The following ANXA8 variants were observed in gnomAD, a reference collection of about 807,000 sequenced individuals.
The protein encoded by ANXA8 is VAC-beta.
A neutral mutation model predicts 26.8 loss-of-function variants in ANXA8; 9 were observed. That is an observed-to-expected ratio of 0.34 (90% confidence interval 0.20 to 0.59). The LOEUF (loss-of-function observed/expected upper bound fraction) is 0.59. Ranked by LOEUF, ANXA8 falls within the 20% of genes least tolerant of loss-of-function variation. ANXA8 has a pLI of 0.84. For missense variants in ANXA8, 83 were observed against 238.5 expected (o/e 0.35, Z 4.29); for synonymous variants, 39 against 94.8 (o/e 0.41, Z 3.42).
chr10:47,604,247 T>A, the ANXA8 span, among the ~76,000 whole-genome samples: 1 of 152,260 alleles, frequency 6.6e-6, no homozygotes, highest in Non-Finnish European at 1.5e-5. Flanking sequence ...GAAAGAAAAC[T>A]TGCTACTGTA....
At chr10:47,663,605 A>G in the ANXA8 span, among the ~76,000 whole-genome samples, 2 of 130,100 alleles carry the variant, frequency 1.5e-5, no homozygotes, top group Admixed American at 7.5e-5. Flanking sequence ...GCTGGTCTCT[A>G]ACTCCTGGGT....
chr10:47,980,442 G>A, the ANXA8 span, among the ~76,000 whole-genome samples: 1 of 151,364 alleles, frequency 6.6e-6, no homozygotes. Context: ...AAATAAAACG[G>A]AATAGAAAAA....
At chr10:47,724,363 G>C in the ANXA8 span, among the ~76,000 whole-genome samples, 1 of 140,542 alleles carries the variant, frequency 7.1e-6, no homozygotes, top group East Asian at 2.8e-4. Context: ...ATTACCCTTT[G>C]CTTCACCCAT....
chr10:47,488,958 G>A (rs1327491845), upstream of ANXA8, among the ~76,000 whole-genome samples: 23 of 147,352 alleles, frequency 1.6e-4, 1 homozygote, highest in South Asian at 4.3e-4. Context: ...CTCATGATCC[G>A]CCCACCTCAG....
At chr10:47,639,022 A>G in the ANXA8 span, among the ~76,000 whole-genome samples, 2 of 150,556 alleles carry the variant, frequency 1.3e-5, no homozygotes, top group African/African-American at 5.0e-5. Flanking sequence ...ATTTCCAAAT[A>G]TAGAAATAAT....
the ANXA8 span, among the ~76,000 whole-genome samples, chr10:47,955,093 T>C: frequency 1.4e-4 from 21 of 147,364 alleles, no homozygotes; most frequent in Non-Finnish European, 9.0e-5. Flanking sequence ...ATCTTTACTG[T>C]GCTGTTCTCA....
chr10:47,636,820 A>G, the ANXA8 span, among the ~76,000 whole-genome samples: 3 of 151,754 alleles, frequency 2.0e-5, no homozygotes, highest in Non-Finnish European at 4.4e-5. Flanking sequence ...GTGGGTTTCC[A>G]GTTTGGTTAT....
the ANXA8 span, chr10:47,986,890 TGGAGGCTAC>T: frequency 4.4e-6 from 2 of 459,598 alleles, no homozygotes; most frequent in African/African-American, 4.0e-5. Flanking sequence ...GACTGCCGGT[TGGAGGCTAC>T]AGGGGCTCTG....
chr10:47,484,297 T>G, upstream of ANXA8: 1 of 647,652 alleles, frequency 1.5e-6, no homozygotes, highest in South Asian at 1.7e-5. Context: ...TTGATTAGGC[T>G]GGTCTCAAAC....
chr10:47,718,134 C>A, the ANXA8 span, among the ~76,000 whole-genome samples: 1 of 152,276 alleles, frequency 6.6e-6, no homozygotes, highest in African/African-American at 2.4e-5. Context: ...ACCTGCACAT[C>A]TACCCTCTGA....
the ANXA8 span, among the ~76,000 whole-genome samples, chr10:47,748,678 G>C: frequency 1.6e-4 from 24 of 152,224 alleles, no homozygotes; most frequent in Admixed American, 6.5e-4. Context: ...TTGTAGAGGG[G>C]GGGGATCTTG....
chr10:47,976,543 TTAC>T, the ANXA8 span, among the ~76,000 whole-genome samples: 9 of 92,484 alleles, frequency 9.7e-5, no homozygotes, highest in Admixed American at 3.5e-4. Flanking sequence ...ACCTCTGTCT[TTAC>T]ACACACACAC....
chr10:47,667,311 A>G, the ANXA8 span, among the ~76,000 whole-genome samples: 1 of 151,956 alleles, frequency 6.6e-6, no homozygotes, highest in Admixed American at 6.6e-5. Flanking sequence ...ATTGTCTTCT[A>G]GCTTGTGTTA....
At chr10:47,548,282 A>C in the ANXA8 span, among the ~76,000 whole-genome samples, 4 of 147,778 alleles carry the variant, frequency 2.7e-5, no homozygotes, top group African/African-American at 9.8e-5. Flanking sequence ...CTCCTAATCA[A>C]TATGGCTTAT....
At chr10:47,482,325 AC>A (rs1476144662) in intron 1 of ANXA8, among the ~76,000 whole-genome samples, 1 of 114,114 alleles carries the variant, frequency 8.8e-6, no homozygotes, top group Non-Finnish European at 1.7e-5. Context: ...GAGTTCGGGC[AC>A]CTGCCTAGCC....
chr10:47,474,647 A>G, intron 7 of ANXA8, among the ~76,000 whole-genome samples: 1 of 76,748 alleles, frequency 1.3e-5, no homozygotes. Context: ...CTCTGCCAGC[A>G]GGCAGACCTA....
chr10:47,557,456 C>T, the ANXA8 span, among the ~76,000 whole-genome samples: 2 of 150,518 alleles, frequency 1.3e-5, no homozygotes, highest in Admixed American at 6.6e-5. Context: ...CCTTCCTCTC[C>T]TCATTTTAAA....
chr10:47,772,105 A>G, the ANXA8 span, among the ~76,000 whole-genome samples: 1 of 151,616 alleles, frequency 6.6e-6, no homozygotes, highest in Admixed American at 6.6e-5. Flanking sequence ...TTTACTATCA[A>G]ATCAGATATG....
At chr10:47,685,100 A>G in the ANXA8 span, among the ~76,000 whole-genome samples, 1 of 150,124 alleles carries the variant, frequency 6.7e-6, no homozygotes, top group Non-Finnish European at 1.5e-5. Context: ...TAATCTCAGC[A>G]CTTTGGGAGG....
Sources: allele counts gnomAD v4.1 joint callset (sites outside exome capture counted in the v4.1 genomes callset), GRCh38; gene constraint gnomAD v4.1.1; transcripts MANE v1.5; gene names NCBI Gene and HGNC (gene_info 2026-07-23, HGNC 2026-07-21).